The following PBX3 variants were observed in gnomAD, a reference collection of about 807,000 sequenced individuals.
PBX3 encodes the protein pre-B-cell leukemia transcription factor 3.
PBX3 carries 14 observed loss-of-function variants against 48.5 expected under a neutral mutation model. The ratio of observed to expected loss-of-function variants is 0.29; its 90% CI spans 0.19 to 0.45. The LOEUF (loss-of-function observed/expected upper bound fraction) is 0.45, where lower values mean the gene tolerates loss of function less well. Ranked by LOEUF, PBX3 falls within the 20% of genes least tolerant of loss-of-function variation. The pLI is 1.00. For synonymous variants in PBX3, 210 were observed against 200.3 expected (o/e 1.05, Z -0.41); for missense variants, 386 against 546.7 (o/e 0.71, Z 2.93).
At chr9:125,864,527 C>A (rs1325264436) in intron 2 of PBX3, among the ~76,000 whole-genome samples, 1 of 152,062 alleles carries the variant, frequency 6.6e-6, no homozygotes, top group East Asian at 1.9e-4. Flanking sequence ...TCAGTGGGAG[C>A]CCTGACTTTG....
intron 5 of PBX3, among the ~76,000 whole-genome samples, chr9:125,938,564 G>A (rs929195265): frequency 1.4e-4 from 21 of 152,090 alleles, no homozygotes; most frequent in Non-Finnish European, 1.6e-4. Flanking sequence ...ACGGACATTG[G>A]GTGTAGTATT....
chr9:125,916,175 G>A (rs73668726), intron 3 of PBX3, among the ~76,000 whole-genome samples: 3,576 of 152,212 alleles, frequency 0.023, 153 homozygotes, highest in African/African-American at 0.081. Context: ...GCACATTCAC[G>A]TGCCCTTATT....
intron 2 of PBX3, among the ~76,000 whole-genome samples, chr9:125,809,613 T>C (rs1838228394): frequency 6.6e-6 from 1 of 152,136 alleles, no homozygotes; most frequent in Non-Finnish European, 1.5e-5. Context: ...CTGTAAAACT[T>C]AGAAGGCAAA....
intron 2 of PBX3, among the ~76,000 whole-genome samples, chr9:125,812,046 G>A (rs555161645): frequency 1.2e-4 from 19 of 152,146 alleles, no homozygotes; most frequent in Non-Finnish European, 2.5e-4. Context: ...TTGTGAACAC[G>A]CAGCAAGAAG....
chr9:125,914,142 T>C, intron 2 of PBX3, among the ~76,000 whole-genome samples: 1 of 152,224 alleles, frequency 6.6e-6, no homozygotes, highest in East Asian at 1.9e-4. Context: ...CAAATACGTT[T>C]GCCTATTTTT....
At chr9:125,818,772 C>T (rs1306417436) in intron 2 of PBX3, among the ~76,000 whole-genome samples, 1 of 152,024 alleles carries the variant, frequency 6.6e-6, no homozygotes, top group Non-Finnish European at 1.5e-5. Context: ...GGATTACAGG[C>T]GTGAGCCACT....
rs376887099 is a variant in PBX3, at chr9:125,955,425, GTAGAA to G, written c.844-5255_844-5251del. ...ATGCTACCTTTCCTCTCCTTTTTCT[GTAGAA>G]TAGGTTTCTCTTCCCTCTGTCACTA... On this transcript the variant is annotated intron_variant, in intron 5 of 8. Coordinates refer to ENST00000373489, the MANE Select transcript of PBX3 (RefSeq NM_006195.6). Among the ~76,000 whole-genome samples the G allele has an allele frequency of 9.9e-5, 15 of 152,188 alleles. No homozygotes were observed. The South Asian group carries it at 2.9e-3, about 29-fold the overall frequency.
intron 2 of PBX3, among the ~76,000 whole-genome samples, chr9:125,780,325 C>T (rs1588138861): frequency 3.6e-5 from 5 of 138,414 alleles, no homozygotes; most frequent in South Asian, 2.3e-4. Context: ...TGGGCAGAGG[C>T]GCCCCTCACC....
chr9:125,760,825 TA>T (rs1166268401), intron 2 of PBX3, among the ~76,000 whole-genome samples: 3 of 152,326 alleles, frequency 2.0e-5, no homozygotes, highest in Admixed American at 6.5e-5. Flanking sequence ...AATTCACATA[TA>T]TTTTCTTGAT....
At chr9:125,897,378 C>T (rs1268888661) in intron 2 of PBX3, among the ~76,000 whole-genome samples, 1 of 151,758 alleles carries the variant, frequency 6.6e-6, no homozygotes, top group Non-Finnish European at 1.5e-5. Context: ...GCCATCCAAT[C>T]AAACTGAAGA....
intron 2 of PBX3, among the ~76,000 whole-genome samples, chr9:125,802,155 G>T (rs1194565038): frequency 6.6e-6 from 1 of 152,014 alleles, no homozygotes; most frequent in Admixed American, 6.6e-5. Flanking sequence ...GGGTACACGT[G>T]CAGGTTTGTG....
intron 2 of PBX3, among the ~76,000 whole-genome samples, chr9:125,848,471 A>G (rs559174838): frequency 1.3e-5 from 2 of 152,074 alleles, no homozygotes; most frequent in Non-Finnish European, 2.9e-5. Flanking sequence ...TTCTCCCTCA[A>G]TATCTAGTAC....
chr9:125,788,585 G>T (rs1837516740), intron 2 of PBX3, among the ~76,000 whole-genome samples: 1 of 152,106 alleles, frequency 6.6e-6, no homozygotes, highest in South Asian at 2.1e-4. Context: ...CTGAAAGCTT[G>T]CTGTGGGCCG....
chr9:125,818,861 A>G (rs1303899985), intron 2 of PBX3, among the ~76,000 whole-genome samples: 2 of 151,202 alleles, frequency 1.3e-5, no homozygotes, highest in Non-Finnish European at 3.0e-5. Context: ...TTTGAGACGA[A>G]GTCTTTCTCT....
chr9:125,791,299 CTGTCTAT>C (rs1837598021), intron 2 of PBX3, among the ~76,000 whole-genome samples: 2 of 119,118 alleles, frequency 1.7e-5, no homozygotes, highest in Non-Finnish European at 3.7e-5. Flanking sequence ...GTCTGTCTGT[CTGTCTAT>C]CTATCTATCT....
intron 2 of PBX3, among the ~76,000 whole-genome samples, chr9:125,800,589 G>A (rs1256914628): frequency 6.6e-6 from 1 of 151,820 alleles, no homozygotes; most frequent in African/African-American, 2.4e-5. Context: ...CAAACTGGTT[G>A]GAATGGCTGC....
chr9:125,820,371 A>G (rs1000405921), intron 2 of PBX3, among the ~76,000 whole-genome samples: 3 of 152,172 alleles, frequency 2.0e-5, no homozygotes, highest in African/African-American at 7.2e-5. Context: ...TCCACTTTAA[A>G]ATTAACTGTT....
chr9:125,780,394 C>A (rs1379976842), intron 2 of PBX3, among the ~76,000 whole-genome samples: 1 of 109,626 alleles, frequency 9.1e-6, no homozygotes. Flanking sequence ...CCAGACGGGG[C>A]GGCTGGCCGG....
chr9:125,756,112 A>G (rs10819065), intron 2 of PBX3, among the ~76,000 whole-genome samples: 3,053 of 152,244 alleles, frequency 0.02, 170 homozygotes, highest in East Asian at 0.17. Flanking sequence ...AATGAGTATT[A>G]ACATTCTGAC....
Sources: allele counts gnomAD v4.1 joint callset (sites outside exome capture counted in the v4.1 genomes callset), GRCh38; gene constraint gnomAD v4.1.1; transcripts MANE v1.5; gene names NCBI Gene and HGNC (gene_info 2026-07-23, HGNC 2026-07-21).